PTPRK: variants seen among roughly 807,000 people sequenced by gnomAD.
The protein encoded by PTPRK is receptor-type tyrosine-protein phosphatase kappa.
In PTPRK, 75 loss-of-function variants were observed where a neutral mutation model predicts 178.0. That is an observed-to-expected ratio of 0.42 (90% CI 0.35 to 0.51). PTPRK has a LOEUF of 0.51. Ranked by LOEUF, PTPRK falls within the 20% of genes least tolerant of loss-of-function variation. The pLI, the probability that PTPRK is intolerant of heterozygous loss-of-function variation, is 0.02. For missense variants in PTPRK, 1,441 were observed against 1,797.8 expected, an observed-to-expected ratio of 0.80 and a Z score of 3.59; for synonymous variants, 637 against 620.6, an observed-to-expected ratio of 1.03 and a Z score of -0.39.
intron 7 of PTPRK, among the ~76,000 whole-genome samples, chr6:128,129,845 GTCA>G (rs1793941676): frequency 2.0e-5 from 3 of 152,228 alleles, no homozygotes; most frequent in South Asian, 4.1e-4. Flanking sequence ...AGCTAGATGT[GTCA>G]TCATGTCAGT....
At chr6:128,351,824 G>A (rs1473218828) in intron 2 of PTPRK, among the ~76,000 whole-genome samples, 1 of 152,126 alleles carries the variant, frequency 6.6e-6, no homozygotes, top group Non-Finnish European at 1.5e-5. Context: ...TGGGGTCAAG[G>A]TCTGGTTGGA....
At chr6:128,195,603 T>C (rs1456656432) in intron 6 of PTPRK, among the ~76,000 whole-genome samples, 3 of 152,130 alleles carry the variant, frequency 2.0e-5, no homozygotes, top group Non-Finnish European at 4.4e-5. Context: ...GTACAACTAA[T>C]ATATTTACTT....
chr6:128,272,627 C>A (rs193302825), intron 3 of PTPRK, among the ~76,000 whole-genome samples: 21 of 152,068 alleles, frequency 1.4e-4, no homozygotes, highest in Admixed American at 1.2e-3. Context: ...ATCACTGGCC[C>A]TCAGAGAAAT....
At chr6:128,131,489 T>C (rs1374398435) in intron 7 of PTPRK, among the ~76,000 whole-genome samples, 1 of 152,172 alleles carries the variant, frequency 6.6e-6, no homozygotes, top group Non-Finnish European at 1.5e-5. Context: ...GGTAGCCTAT[T>C]AACTACTTTT....
At chr6:128,491,649 C>A (rs1372183405) in intron 1 of PTPRK, 1 of 435,476 alleles carries the variant, frequency 2.3e-6, no homozygotes, top group Admixed American at 2.4e-5. Context: ...TAGACAGGCT[C>A]AGGCACTCAT....
intron 2 of PTPRK, among the ~76,000 whole-genome samples, chr6:128,395,854 C>T (rs909294095): frequency 7.2e-5 from 11 of 152,058 alleles, no homozygotes; most frequent in Non-Finnish European, 7.4e-5. Flanking sequence ...TACTCAATCA[C>T]GGAGAGTGAC....
At position 128,497,292 on chromosome 6, in the gene PTPRK, T is replaced by A. The variant is rs369413052; in HGVS notation, c.100+22967A>T. Among the ~76,000 whole-genome samples, 5 of 152,274 alleles carry A rather than the reference T, an allele frequency of 3.3e-5. No individual in the cohort carries two copies. The East Asian group carries it at 9.6e-4, about 29-fold the overall frequency. On this transcript the variant is annotated intron_variant, in intron 1 of 29. Coordinates refer to ENST00000368226, the MANE Select transcript of PTPRK (RefSeq NM_002844.4). ...TTTTAAACTATATTTAATTTAATTA[T>A]GCCTGGCTATATATACTTAAAAAAT...
chr6:128,215,991 T>C (rs1211228570), intron 6 of PTPRK, among the ~76,000 whole-genome samples: 1 of 152,062 alleles, frequency 6.6e-6, no homozygotes, highest in Non-Finnish European at 1.5e-5. Flanking sequence ...TTGGTGGTTA[T>C]CTCTACAAAC....
intron 5 of PTPRK, among the ~76,000 whole-genome samples, chr6:128,231,880 A>G (rs1427548319): frequency 2.0e-5 from 3 of 152,208 alleles, no homozygotes; most frequent in Non-Finnish European, 2.9e-5. Flanking sequence ...ACATCTTCTC[A>G]AATTCTATAA....
At chr6:128,115,687 TA>T (rs1791389702) in intron 7 of PTPRK, among the ~76,000 whole-genome samples, 1 of 152,056 alleles carries the variant, frequency 6.6e-6, no homozygotes, top group Admixed American at 6.6e-5. Flanking sequence ...ATAACAGATA[TA>T]AAAGGGATTT....
intron 1 of PTPRK, among the ~76,000 whole-genome samples, chr6:128,411,153 A>C (rs1431748525): frequency 6.6e-6 from 1 of 152,094 alleles, no homozygotes; most frequent in East Asian, 1.9e-4. Context: ...TCAGCCTCTC[A>C]AAGTACTGGG....
chr6:128,154,183 T>C (rs1355119809), intron 7 of PTPRK, among the ~76,000 whole-genome samples: 2 of 151,742 alleles, frequency 1.3e-5, no homozygotes, highest in Non-Finnish European at 3.0e-5. Flanking sequence ...TCACATCTTA[T>C]CTGTTAATAA....
intron 1 of PTPRK, among the ~76,000 whole-genome samples, chr6:128,473,254 T>A (rs766472056): frequency 6.6e-6 from 1 of 152,084 alleles, no homozygotes; most frequent in East Asian, 1.9e-4. Context: ...TATTTCCTCA[T>A]GATGAGATTC....
intron 1 of PTPRK, among the ~76,000 whole-genome samples, chr6:128,495,702 C>T (rs990427409): frequency 2.2e-4 from 34 of 152,262 alleles, no homozygotes; most frequent in Middle Eastern, 3.4e-3. Flanking sequence ...ATACTGAGGG[C>T]GATACTTATG....
intron 7 of PTPRK, among the ~76,000 whole-genome samples, chr6:128,106,326 T>C (rs1789714066): frequency 6.6e-6 from 1 of 152,174 alleles, no homozygotes; most frequent in Non-Finnish European, 1.5e-5. Context: ...TTTCTTTTTC[T>C]TTCCCCAAAC....
At chr6:128,190,189 C>G (rs967160777) in intron 6 of PTPRK, among the ~76,000 whole-genome samples, 4 of 152,012 alleles carry the variant, frequency 2.6e-5, no homozygotes, top group Non-Finnish European at 4.4e-5. Flanking sequence ...TAAGGTTTCT[C>G]CTACACTGCC....
At chr6:128,096,357 G>C (rs1787900978) in intron 7 of PTPRK, among the ~76,000 whole-genome samples, 4 of 152,104 alleles carry the variant, frequency 2.6e-5, no homozygotes, top group Admixed American at 2.6e-4. Flanking sequence ...TTTAACACGT[G>C]GTTCTAGATA....
intron 1 of PTPRK, among the ~76,000 whole-genome samples, chr6:128,459,471 G>A (rs1383212667): frequency 1.3e-5 from 2 of 152,138 alleles, no homozygotes; most frequent in Non-Finnish European, 2.9e-5. Context: ...TGATGGCTTT[G>A]ACAGCTTTAT....
intron 7 of PTPRK, among the ~76,000 whole-genome samples, chr6:128,121,660 A>T (rs1393262404): frequency 6.6e-6 from 1 of 152,028 alleles, no homozygotes; most frequent in Non-Finnish European, 1.5e-5. Context: ...AACTCAAAGG[A>T]ATAAGTCAAA....
Sources: gnomAD v4.1 joint callset for allele counts (sites outside exome capture counted in the v4.1 genomes callset) on GRCh38, gnomAD v4.1.1 for gene constraint, MANE v1.5 for transcripts, NCBI Gene and HGNC (gene_info 2026-07-23, HGNC 2026-07-21) for gene names.